The following SHISA9 variants were observed in gnomAD, a reference collection of about 807,000 sequenced individuals.
SHISA9 encodes the protein shisa family member 9, also known as protein shisa-9.
In SHISA9, 13 loss-of-function variants were observed where a neutral mutation model predicts 38.0. The ratio of observed to expected loss-of-function variants is 0.34; its 90% CI spans 0.22 to 0.54. The LOEUF (loss-of-function observed/expected upper bound fraction) is 0.54, where lower values mean the gene tolerates loss of function less well. Ranked by LOEUF, SHISA9 falls within the 20% of genes least tolerant of loss-of-function variation. The pLI is 0.91. For missense variants in SHISA9, 538 were observed against 575.8 expected (o/e 0.93, Z 0.67); for synonymous variants, 275 against 242.0 (o/e 1.14, Z -1.27).
chr16:13,200,440 A>ACAG lies in SHISA9; in HGVS notation c.692-2930_692-2928dup, dbSNP rs771736127. On this transcript the variant is annotated intron_variant, in intron 2 of 4. Coordinates refer to ENST00000558583, the MANE Select transcript of SHISA9 (RefSeq NM_001145204.3). ...CACACACACACACACACACACACAC[A>ACAG]CAGCAGCAGCAGCAGCAGCAGCAGC... Among the ~76,000 whole-genome samples, 221 of 150,148 alleles carry ACAG rather than the reference A, an allele frequency of 1.5e-3. 2 individuals carry two copies. Among genetic ancestry groups the ACAG allele is most frequent in the African/African-American group, 4.3e-3 (173 of 40,306 alleles).
intron 2 of SHISA9, among the ~76,000 whole-genome samples, chr16:13,120,100 G>A (rs1438636094): frequency 1.3e-5 from 2 of 152,170 alleles, no homozygotes; most frequent in Non-Finnish European, 2.9e-5. Context: ...AGCTGGTCAC[G>A]AGAGGAAGGG....
chr16:13,143,218 C>T (rs1442972576), intron 2 of SHISA9, among the ~76,000 whole-genome samples: 1 of 151,970 alleles, frequency 6.6e-6, no homozygotes, highest in Non-Finnish European at 1.5e-5. Flanking sequence ...CCATGTTGGC[C>T]AGGCTGGTCT....
intron 2 of SHISA9, among the ~76,000 whole-genome samples, chr16:13,073,553 G>T (rs981047167): frequency 3.3e-5 from 5 of 152,296 alleles, no homozygotes; most frequent in African/African-American, 7.2e-5. Flanking sequence ...AGTCAGAAAT[G>T]CTGGATGTGG....
At chr16:13,074,258 C>T (rs2073554828) in intron 2 of SHISA9, among the ~76,000 whole-genome samples, 1 of 152,142 alleles carries the variant, frequency 6.6e-6, no homozygotes, top group Non-Finnish European at 1.5e-5. Context: ...GCATGAGCCA[C>T]CATGCCTGGC....
At chr16:13,395,919 G>T in the SHISA9 span, among the ~76,000 whole-genome samples, 1 of 152,120 alleles carries the variant, frequency 6.6e-6, no homozygotes, top group Non-Finnish European at 1.5e-5. Context: ...CGTGTTCAGG[G>T]TCACTTCAAA....
downstream of SHISA9, among the ~76,000 whole-genome samples, chr16:13,244,992 T>C (rs1041165736): frequency 3.9e-5 from 6 of 152,336 alleles, no homozygotes; most frequent in South Asian, 6.2e-4. Context: ...CACAGCTCAC[T>C]GCATCTTTGA....
At chr16:13,151,440 A>G (rs1426356694) in intron 2 of SHISA9, among the ~76,000 whole-genome samples, 1 of 152,128 alleles carries the variant, frequency 6.6e-6, no homozygotes, top group Non-Finnish European at 1.5e-5. Context: ...ACCTCTCTCA[A>G]TGTGGCTGAA....
chr16:13,522,961 T>C, the SHISA9 span, among the ~76,000 whole-genome samples: 2 of 152,058 alleles, frequency 1.3e-5, no homozygotes, highest in African/African-American at 4.8e-5. Flanking sequence ...AGTATCAGCT[T>C]TGGGGAGGAA....
chr16:13,233,203 G>A (rs1486350153), intron 4 of SHISA9, among the ~76,000 whole-genome samples: 1 of 151,922 alleles, frequency 6.6e-6, no homozygotes, highest in Non-Finnish European at 1.5e-5. Flanking sequence ...CCCTTAGATA[G>A]AAATCTGGGC....
At chr16:13,480,939 A>C in the SHISA9 span, among the ~76,000 whole-genome samples, 3 of 152,220 alleles carry the variant, frequency 2.0e-5, no homozygotes, top group African/African-American at 7.2e-5. Context: ...CAGTTTTGTC[A>C]AGCTAATTTG....
At chr16:12,910,865 T>C (rs897147681) in intron 1 of SHISA9, 2 of 436,936 alleles carry the variant, frequency 4.6e-6, no homozygotes, top group Non-Finnish European at 6.1e-6. Context: ...TTCTCTCTTT[T>C]TGGGGCAAAG....
At chr16:12,994,275 G>T (rs1162236672) in intron 2 of SHISA9, among the ~76,000 whole-genome samples, 1 of 152,214 alleles carries the variant, frequency 6.6e-6, no homozygotes, top group Admixed American at 6.5e-5. Context: ...AGCCACGGAA[G>T]CAGAGAGAAG....
At chr16:13,275,790 C>G in the SHISA9 span, among the ~76,000 whole-genome samples, 2 of 151,838 alleles carry the variant, frequency 1.3e-5, no homozygotes, top group Admixed American at 1.3e-4. Context: ...CTTTTAATGT[C>G]TCTAGAATCT....
chr16:13,286,831 C>T, the SHISA9 span, among the ~76,000 whole-genome samples: 47 of 152,262 alleles, frequency 3.1e-4, no homozygotes, highest in East Asian at 7.3e-3. Flanking sequence ...TCTTAGTGGT[C>T]TTACACACAG....
At chr16:13,274,769 G>C in the SHISA9 span, among the ~76,000 whole-genome samples, 1 of 152,142 alleles carries the variant, frequency 6.6e-6, no homozygotes, top group Non-Finnish European at 1.5e-5. Context: ...AAGCCACTTA[G>C]CAATGATAGC....
chr16:13,234,935 T>G (rs1175353584), intron 4 of SHISA9, 95 bp from the exon 5 acceptor site: 53 of 1,409,764 alleles, frequency 3.8e-5, no homozygotes, highest in Non-Finnish European at 4.9e-5. Context: ...ATGCTGTTCT[T>G]GGGTTGACAT....
chr16:12,974,685 G>C (rs938628546), intron 2 of SHISA9, among the ~76,000 whole-genome samples: 1 of 151,862 alleles, frequency 6.6e-6, no homozygotes, highest in Non-Finnish European at 1.5e-5. Flanking sequence ...GTTTTGCCAT[G>C]TTGACCAGGC....
intron 2 of SHISA9, among the ~76,000 whole-genome samples, chr16:13,197,322 A>C (rs1201833512): frequency 6.6e-6 from 1 of 152,150 alleles, no homozygotes; most frequent in African/African-American, 2.4e-5. Context: ...CTTTCCTTTA[A>C]GATGAGCCAG....
chr16:13,106,993 T>C (rs988832504), intron 2 of SHISA9, among the ~76,000 whole-genome samples: 4 of 151,980 alleles, frequency 2.6e-5, no homozygotes, highest in Non-Finnish European at 4.4e-5. Flanking sequence ...TCTCTCTCTC[T>C]CTCTCTCTCT....
Sources: allele counts gnomAD v4.1 joint callset (sites outside exome capture counted in the v4.1 genomes callset), GRCh38; gene constraint gnomAD v4.1.1; transcripts MANE v1.5; gene names NCBI Gene and HGNC (gene_info 2026-07-23, HGNC 2026-07-21).